The following FAM120C variants were observed in gnomAD, a reference collection of about 807,000 sequenced individuals.
The protein encoded by FAM120C is family with sequence similarity 120 member C.
Under a neutral mutation model 71.2 loss-of-function variants are expected in FAM120C, and 14 were observed. The observed-to-expected ratio is 0.20, with a 90% confidence interval of 0.13 to 0.31. FAM120C has a LOEUF of 0.31. Ranked by LOEUF, FAM120C falls within the 10% of genes least tolerant of loss-of-function variation. The pLI, the probability that FAM120C is intolerant of heterozygous loss-of-function variation, is 1.00. For synonymous variants in FAM120C, 354 were observed against 353.2 expected, an observed-to-expected ratio of 1.00 and a Z score of -0.03; for missense variants, 500 against 879.0, an observed-to-expected ratio of 0.57 and a Z score of 5.45.
intron 10 of FAM120C, among the ~76,000 whole-genome samples, chrX:54,112,403 C>A (rs1333849726): frequency 2.8e-5 from 3 of 106,793 alleles, no homozygotes; most frequent in Non-Finnish European, 5.8e-5. Context: ...GGCGACAGAG[C>A]AAGACCCCAC....
intron 10 of FAM120C, among the ~76,000 whole-genome samples, chrX:54,098,850 ACCTCGTGATCTGC>A (rs1464106144): frequency 1.8e-5 from 2 of 109,566 alleles, no homozygotes; most frequent in Non-Finnish European, 3.8e-5. Flanking sequence ...CGAACTCCTG[ACCTCGTGATCTGC>A]CCTCCTCGGC....
At chrX:54,160,794 T>C (rs1183000726) in intron 1 of FAM120C, among the ~76,000 whole-genome samples, 8 of 111,525 alleles carry the variant, frequency 7.2e-5, no homozygotes, top group African/African-American at 2.6e-4. Context: ...ATCCCCATTT[T>C]ACACATTGTT....
At chrX:54,104,260 A>G (rs2066895399) in intron 10 of FAM120C, among the ~76,000 whole-genome samples, 2 of 110,902 alleles carry the variant, frequency 1.8e-5, no homozygotes, top group South Asian at 3.8e-4. Context: ...AACTGTATCA[A>G]CCTTTCCTAG....
chrX:54,157,695 T>C lies in FAM120C; in HGVS notation c.1023A>G (p.Ser341=). 1 of 1,203,571 alleles carries C rather than the reference T, an allele frequency of 8.3e-7. No individual in the cohort carries two copies. Among genetic ancestry groups the C allele is most frequent in the Non-Finnish European group, 1.1e-6 (1 of 888,613 alleles). Residue 341 remains serine (S), a synonymous_variant, in exon 3 of 16, where the codon TCA becomes TCG. Transcript: ENST00000375180. ...AAGAAATAGGAAACATTACCTTAAGTGATGCAAGAGGATGTTCTGGTCCCA... is the reference window on the plus strand; with the variant it reads ...AAGAAATAGGAAACATTACCTTAAGCGATGCAAGAGGATGTTCTGGTCCCA... ...SLLGPEHPLA[S]LKVRAHQLVL...
chrX:54,098,636 T>C (rs2066866578), intron 10 of FAM120C, among the ~76,000 whole-genome samples: 1 of 111,566 alleles, frequency 9.0e-6, no homozygotes, highest in African/African-American at 3.3e-5. Context: ...TATTTTATTT[T>C]ATTTTGAGAC....
rs371116397 is a variant in FAM120C, at chrX:54,102,412, T to C, written c.2313-10986A>G. On this transcript the variant is annotated intron_variant, in intron 10 of 15. Coordinates refer to ENST00000375180, the MANE Select transcript of FAM120C (RefSeq NM_017848.6). Reference sequence around the variant, plus strand: ...AAAAGGAATTTATTTCTTACAGTTATGGAGTCTAAGAAGTCCAAGGTTAGG... The same window carrying C: ...AAAAGGAATTTATTTCTTACAGTTACGGAGTCTAAGAAGTCCAAGGTTAGG... 5.4e-3 allele frequency among the ~76,000 whole-genome samples: 351 copies of C among 65,554 alleles called. 2 individuals carry two copies. The highest frequency in any genetic ancestry group is 0.018 in the African/African-American group (339 of 18,832). The allele number at this position is 65,554 out of a possible 115,157, so 56.9% of individuals were successfully genotyped here. A position where few individuals can be genotyped will look rare whatever the true frequency, so the allele number is the denominator to read the frequency against.
In FAM120C at chrX:54,133,890, G is replaced by C. The variant is rs1557129882; in HGVS notation, c.1773C>G (p.Asn591Lys). The C allele has an allele frequency of 1.7e-6, 2 of 1,211,449 alleles. No individual in the cohort carries two copies. Among genetic ancestry groups the C allele is most frequent in the Admixed American group, 2.2e-5 (1 of 45,930 alleles). ...AGGGTGGAATGGTGATATCCATGTG[G>C]TTCCTTGTAGACATAGACAGCAGAG... Reference protein sequence around the residue: ...IPSLLSMSTRNHMDITIPPLP... With the variant: ...IPSLLSMSTRKHMDITIPPLP... Residue 591 changes from asparagine to lysine, a missense_variant, in exon 8 of 16, where the codon AAC becomes AAG. Physicochemically the swap from Asn to Lys is moderately conservative, Grantham distance 94 (BLOSUM62 0). Around this residue, in one of 11 missense-constraint regions of FAM120C, gnomAD observed 104 missense variants for 254.5 expected, o/e 0.41. Transcript: ENST00000375180.
At chrX:54,150,499 T>C (rs2067179251) in intron 4 of FAM120C, among the ~76,000 whole-genome samples, 1 of 111,688 alleles carries the variant, frequency 9.0e-6, no homozygotes, top group South Asian at 3.8e-4. Context: ...TCAAATTTCT[T>C]TGGGGGAAAG....
At chrX:54,149,838 T>C (rs1442351877) in intron 4 of FAM120C, among the ~76,000 whole-genome samples, 2 of 111,874 alleles carry the variant, frequency 1.8e-5, no homozygotes, top group African/African-American at 3.2e-5. Flanking sequence ...AATCAATACA[T>C]GTGTTAAAAT....
chrX:54,082,956 A>C (rs1438172125), intron 13 of FAM120C, among the ~76,000 whole-genome samples: 1 of 109,224 alleles, frequency 9.2e-6, no homozygotes, highest in Non-Finnish European at 1.9e-5. Flanking sequence ...GTCTCTACTA[A>C]AAATACAAAA....
At chrX:54,182,016 A>G (rs1557137430) in intron 1 of FAM120C, among the ~76,000 whole-genome samples, 1 of 112,016 alleles carries the variant, frequency 8.9e-6, no homozygotes, top group East Asian at 2.8e-4. Flanking sequence ...AAAAAGCAGC[A>G]GTGGGTGAAG....
chrX:54,083,477 A>ACACACACACACACACACACACC (rs1269380471), intron 13 of FAM120C, among the ~76,000 whole-genome samples: 1 of 104,836 alleles, frequency 9.5e-6, no homozygotes, highest in African/African-American at 3.6e-5. Flanking sequence ...ACACACACAC[A>ACACACACACACACACACACACC]CCAAAATATT....
intron 15 of FAM120C, among the ~76,000 whole-genome samples, chrX:54,077,315 G>A (rs782330490): frequency 1.1e-3 from 119 of 111,951 alleles, no homozygotes; most frequent in Non-Finnish European, 1.9e-3. Flanking sequence ...AGCTCAGGCT[G>A]TAATGTCAAT....
At chrX:54,144,008 C>T (rs893396393) in intron 4 of FAM120C, among the ~76,000 whole-genome samples, 6 of 111,986 alleles carry the variant, frequency 5.4e-5, no homozygotes, top group Admixed American at 9.6e-5. Flanking sequence ...TCTGATTCAA[C>T]ATAGGCAAAT....
intron 15 of FAM120C, among the ~76,000 whole-genome samples, chrX:54,077,995 G>C (rs959498740): frequency 1.2e-4 from 11 of 93,044 alleles, no homozygotes; most frequent in Admixed American, 2.5e-4. Flanking sequence ...CCAGGCTGGA[G>C]TGCAGTGGCG....
At chrX:54,131,766 T>C (rs1702096182) in intron 9 of FAM120C, among the ~76,000 whole-genome samples, 2 of 104,546 alleles carry the variant, frequency 1.9e-5, no homozygotes, top group Admixed American at 2.0e-4. Flanking sequence ...CTTTCTTTCT[T>C]TTTTTTTTTT....
chrX:54,143,349 C>A lies in FAM120C; in HGVS notation c.1159-6759G>T, dbSNP rs1405500481. 6.0e-4 allele frequency among the ~76,000 whole-genome samples: 64 copies of A among 106,873 alleles called. 1 individual carries two copies. The Admixed American group carries it at 6.2e-3, about 10-fold the overall frequency. The allele number at this position is 106,873 out of a possible 115,157, so 92.8% of individuals were successfully genotyped here. Reference sequence around the variant, plus strand: ...CTGAAGGAAATACAGACACAAAAAACCCTTCAAAAAAATCAATGAATCCAG... The same window carrying A: ...CTGAAGGAAATACAGACACAAAAAAACCTTCAAAAAAATCAATGAATCCAG... On this transcript the variant is annotated intron_variant, in intron 4 of 15. Coordinates refer to ENST00000375180, the MANE Select transcript of FAM120C (RefSeq NM_017848.6).
chrX:54,079,273 A>G (rs1424130056), intron 15 of FAM120C, among the ~76,000 whole-genome samples: 3 of 108,326 alleles, frequency 2.8e-5, no homozygotes, highest in Non-Finnish European at 5.7e-5. Flanking sequence ...AAAAAAAAAA[A>G]AAAAGAAAAA....
intron 10 of FAM120C, among the ~76,000 whole-genome samples, chrX:54,095,355 CTTT>C (rs10710810): frequency 1.7e-4 from 7 of 41,123 alleles, no homozygotes; most frequent in Middle Eastern, 0.013. Context: ...TACTCCACAT[CTTT>C]TTTTTTTTTT....
Sources: gnomAD v4.1 joint callset for allele counts (sites outside exome capture counted in the v4.1 genomes callset) on GRCh38, gnomAD v4.1.1 for gene constraint, gnomAD v4.1.1 regional missense constraint, MANE v1.5 for transcripts, NCBI Gene and HGNC (gene_info 2026-07-23, HGNC 2026-07-21) for gene names.